CDH13: variants seen among roughly 807,000 people sequenced by gnomAD.
The protein encoded by CDH13 is cadherin 13.
In CDH13, 24 loss-of-function variants were observed where a neutral mutation model predicts 63.8. The observed-to-expected ratio is 0.38, with a 90% CI of 0.27 to 0.53. The LOEUF is 0.53. Ranked by LOEUF, CDH13 falls within the 20% of genes least tolerant of loss-of-function variation. The pLI is 0.85. For missense variants in CDH13, 1,049 were observed against 903.1 expected (o/e 1.16, Z -2.07); for synonymous variants, 503 against 355.3 (o/e 1.42, Z -4.67).
At position 83,193,347 on chromosome 16, in the gene CDH13, C is replaced by T. The variant is rs540198827; in HGVS notation, c.484-23998C>T. Among the ~76,000 whole-genome samples the T allele has an allele frequency of 3.3e-5, 5 of 152,206 alleles. 1 individual carries two copies. The South Asian group carries it at 1.0e-3, about 32-fold the overall frequency. ...AGGTTTAGTAATGTGTTCTCTGACACATAGATTAAAAAGTGGCTGAGCAAG... is the reference window on the plus strand; with the variant it reads ...AGGTTTAGTAATGTGTTCTCTGACATATAGATTAAAAAGTGGCTGAGCAAG... On this transcript the variant is annotated intron_variant, in intron 4 of 13. Transcript: ENST00000567109.
At chr16:82,743,035 A>T (rs1239441049) in intron 1 of CDH13, among the ~76,000 whole-genome samples, 1 of 152,240 alleles carries the variant, frequency 6.6e-6, no homozygotes, top group African/African-American at 2.4e-5. Flanking sequence ...AAAATATTGA[A>T]ATGTGTACAA....
At chr16:82,759,682 A>C (rs559331869) in intron 1 of CDH13, among the ~76,000 whole-genome samples, 2 of 152,138 alleles carry the variant, frequency 1.3e-5, no homozygotes, top group South Asian at 4.2e-4. Context: ...AGAAGCGGCA[A>C]TTAAAGGAAT....
At chr16:82,962,118 G>T (rs1049534359) in intron 2 of CDH13, among the ~76,000 whole-genome samples, 1 of 152,226 alleles carries the variant, frequency 6.6e-6, no homozygotes, top group East Asian at 1.9e-4. Flanking sequence ...AGTCTTTGCA[G>T]AGGTAATTAA....
intron 2 of CDH13, among the ~76,000 whole-genome samples, chr16:82,949,995 C>A (rs1905122330): frequency 6.6e-6 from 1 of 151,998 alleles, no homozygotes; most frequent in African/African-American, 2.4e-5. Flanking sequence ...TGGTTAGTAT[C>A]AAGCAGGTAA....
At chr16:82,651,840 G>A (rs900753498) in intron 1 of CDH13, among the ~76,000 whole-genome samples, 3 of 152,200 alleles carry the variant, frequency 2.0e-5, no homozygotes, top group African/African-American at 4.8e-5. Context: ...GGTGATTGTG[G>A]TCTTGGACCT....
intron 2 of CDH13, among the ~76,000 whole-genome samples, chr16:83,011,216 T>A (rs1169515146): frequency 6.6e-6 from 1 of 152,136 alleles, no homozygotes; most frequent in Non-Finnish European, 1.5e-5. Flanking sequence ...CCACACAGCT[T>A]CACTGTAGGC....
At chr16:83,578,743 T>C (rs190827497) in intron 7 of CDH13, among the ~76,000 whole-genome samples, 1 of 152,324 alleles carries the variant, frequency 6.6e-6, no homozygotes, top group African/African-American at 2.4e-5. Flanking sequence ...TTCAGAGCAA[T>C]AGTTAGCACA....
At chr16:83,695,495 C>G (rs1016059485) in intron 10 of CDH13, among the ~76,000 whole-genome samples, 1 of 152,128 alleles carries the variant, frequency 6.6e-6, no homozygotes, top group Non-Finnish European at 1.5e-5. Flanking sequence ...GTGGACTAGG[C>G]GAAAGCAGGT....
intron 7 of CDH13, among the ~76,000 whole-genome samples, chr16:83,585,923 T>C (rs577327318): frequency 1.5e-3 from 231 of 149,582 alleles, no homozygotes; most frequent in African/African-American, 5.3e-3. Flanking sequence ...ACCCAAGAGG[T>C]TGGGTTTCTA....
intron 2 of CDH13, among the ~76,000 whole-genome samples, chr16:82,905,521 C>T (rs1324244642): frequency 6.6e-6 from 1 of 151,270 alleles, no homozygotes; most frequent in Admixed American, 6.6e-5. Context: ...ATGAGAACTT[C>T]CTGAACAAAA....
At chr16:82,800,502 A>G (rs2036797938) in intron 1 of CDH13, among the ~76,000 whole-genome samples, 1 of 152,214 alleles carries the variant, frequency 6.6e-6, no homozygotes, top group Non-Finnish European at 1.5e-5. Context: ...ACCTCCCAGT[A>G]TGTGGAAAAA....
At chr16:83,659,594 C>T (rs749276663) in intron 8 of CDH13, among the ~76,000 whole-genome samples, 29 of 152,194 alleles carry the variant, frequency 1.9e-4, no homozygotes, top group Non-Finnish European at 4.0e-4. Context: ...CATCCAAGAA[C>T]GATCTCTGAA....
chr16:83,063,997 G>A (rs1233709684), intron 3 of CDH13, among the ~76,000 whole-genome samples: 1 of 152,158 alleles, frequency 6.6e-6, no homozygotes, highest in African/African-American at 2.4e-5. Context: ...TGTCCAAGCG[G>A]AGATGCCAGA....
In CDH13 at chr16:82,644,555, G is replaced by A. The variant is rs569251084; in HGVS notation, c.45+17418G>A. On this transcript the variant is annotated intron_variant, in intron 1 of 13. Coordinates refer to ENST00000567109, the MANE Select transcript of CDH13 (RefSeq NM_001257.5). This position sits in a 1 kb window ranked among gnomAD's most constrained non-coding sequence, Gnocchi z 5.7. ...GGTCCCCAGACCAGGCCCAGTGCAC[G>A]AGTTTGGGTGCTGGAAGGGGAGGCT... Among the ~76,000 whole-genome samples, 2 of 152,330 alleles carry A rather than the reference G, an allele frequency of 1.3e-5. No homozygotes were observed. The highest frequency in any genetic ancestry group is 1.9e-4 in the East Asian group (1 of 5,178).
At chr16:83,202,341 C>T (rs1266415279) in intron 4 of CDH13, among the ~76,000 whole-genome samples, 1 of 152,126 alleles carries the variant, frequency 6.6e-6, no homozygotes, top group Non-Finnish European at 1.5e-5. Flanking sequence ...ATGCTGAAGA[C>T]AGAGGCAGGG....
At position 83,425,001 on chromosome 16, in the gene CDH13, A is replaced by G. The variant is rs369077660; in HGVS notation, c.782-61476A>G. Among the ~76,000 whole-genome samples, 98 of 152,336 alleles carry G rather than the reference A, an allele frequency of 6.4e-4. 2 individuals are homozygous for G. The East Asian group carries it at 0.014, about 22-fold the overall frequency. On this transcript the variant is annotated intron_variant, in intron 6 of 13. Coordinates refer to ENST00000567109, the MANE Select transcript of CDH13 (RefSeq NM_001257.5). ...AAAAAGTCCCAAGGTTGCCATAGTAATGGGAAATTAAATCCACAGAGCTAT... is the reference window on the plus strand; with the variant it reads ...AAAAAGTCCCAAGGTTGCCATAGTAGTGGGAAATTAAATCCACAGAGCTAT...
intron 10 of CDH13, among the ~76,000 whole-genome samples, chr16:83,685,758 T>C (rs1417527403): frequency 6.6e-6 from 1 of 152,210 alleles, no homozygotes; most frequent in Non-Finnish European, 1.5e-5. Flanking sequence ...AAATTGCTTC[T>C]TCCCCTGCAC....
chr16:83,723,395 T>C (rs1909949130), intron 10 of CDH13, among the ~76,000 whole-genome samples: 1 of 152,240 alleles, frequency 6.6e-6, no homozygotes, highest in African/African-American at 2.4e-5. Context: ...TTTGTCTGAT[T>C]CGCCTCTGCT....
intron 6 of CDH13, among the ~76,000 whole-genome samples, chr16:83,404,611 C>A (rs761785488): frequency 2.0e-5 from 3 of 152,008 alleles, no homozygotes; most frequent in Admixed American, 2.0e-4. Flanking sequence ...GTGCACACAC[C>A]CCCTCACACA....
Sources: gnomAD v4.1 joint callset for allele counts (sites outside exome capture counted in the v4.1 genomes callset) on GRCh38, gnomAD v4.1.1 for gene constraint, Gnocchi (gnomAD v3.1) non-coding constraint, MANE v1.5 for transcripts, NCBI Gene and HGNC (gene_info 2026-07-23, HGNC 2026-07-21) for gene names.